STK39: variants seen among roughly 807,000 people sequenced by gnomAD.
STK39 encodes STE20/SPS1-related proline-alanine-rich protein kinase.
In STK39, 20 loss-of-function variants were observed where a neutral mutation model predicts 77.8. That is an observed-to-expected ratio of 0.26 (90% CI 0.18 to 0.37). The LOEUF (loss-of-function observed/expected upper bound fraction) is 0.37. Ranked by LOEUF, STK39 falls within the 10% of genes least tolerant of loss-of-function variation. The probability of loss-of-function intolerance (pLI) is 1.00; values close to 1 mark genes in which losing one functional copy is unlikely to be tolerated. For synonymous variants in STK39, 246 were observed against 234.1 expected (o/e 1.05, Z -0.47); for missense variants, 479 against 656.5 (o/e 0.73, Z 2.95).
intron 16 of STK39, among the ~76,000 whole-genome samples, chr2:168,006,157 T>G (rs529655403): frequency 6.6e-6 from 1 of 152,284 alleles, no homozygotes; most frequent in East Asian, 1.9e-4. Context: ...AGTGGGCACA[T>G]TTCTGAAAGG....
chr2:168,102,878 C>T (rs932288354), intron 10 of STK39, among the ~76,000 whole-genome samples: 3 of 139,142 alleles, frequency 2.2e-5, no homozygotes, highest in South Asian at 4.5e-4. Flanking sequence ...TGTAGTGAGC[C>T]GAGATTGCAC....
At chr2:168,180,279 G>A (rs6759037) in intron 2 of STK39, among the ~76,000 whole-genome samples, 23,844 of 151,980 alleles carry the variant, frequency 0.16, 2,223 homozygotes, top group African/African-American at 0.25. Context: ...CCCAGGAGGC[G>A]GAGGTTGCAG....
intron 14 of STK39, among the ~76,000 whole-genome samples, chr2:168,049,213 C>A (rs1476555297): frequency 6.6e-6 from 1 of 152,194 alleles, no homozygotes; most frequent in Non-Finnish European, 1.5e-5. Flanking sequence ...TCTCTCCCGG[C>A]TACCACCTAA....
At chr2:168,121,713 C>T (rs1194691711) in intron 10 of STK39, among the ~76,000 whole-genome samples, 2 of 152,164 alleles carry the variant, frequency 1.3e-5, no homozygotes, top group Non-Finnish European at 2.9e-5. Context: ...TCTAAAATGT[C>T]CAGTCTTCCG....
At position 168,147,033 on chromosome 2, in the gene STK39, A is replaced by G. The variant is rs79071147; in HGVS notation, c.629-6275T>C. Among the ~76,000 whole-genome samples, 22 of 152,308 alleles carry G rather than the reference A, an allele frequency of 1.4e-4. No individual in the cohort carries two copies. In the East Asian group the frequency reaches 2.7e-3, roughly 19 times the overall value. Reference sequence around the variant, plus strand: ...ACTTAGCCCTAGTCTCCTCTTCCGGAAAGTTCAGTGTATTTTTCTTTATTG... The same window carrying G: ...ACTTAGCCCTAGTCTCCTCTTCCGGGAAGTTCAGTGTATTTTTCTTTATTG... On this transcript the variant is annotated intron_variant, in intron 5 of 17. Transcript: ENST00000355999.
intron 8 of STK39, among the ~76,000 whole-genome samples, chr2:168,133,544 T>C (rs997679777): frequency 2.0e-5 from 3 of 152,014 alleles, no homozygotes. Context: ...TGAGAAAGAA[T>C]GAAAGAATGG....
chr2:168,005,159 C>G lies in STK39; in HGVS notation c.1498+7475G>C, dbSNP rs140054925. Among the ~76,000 whole-genome samples, 989 of 152,074 alleles carry G rather than the reference C, an allele frequency of 6.5e-3. 10 individuals carry two copies. The highest frequency in any genetic ancestry group is 0.023 in the African/African-American group (941 of 41,490). ...TAGCTGGGATTACAGGTGTGCCCTA[C>G]CAGATGCAGCTAATTTTTGTATTTT... is the stretch of plus-strand genomic sequence containing the variant. On this transcript the variant is annotated intron_variant, in intron 16 of 17. Transcript: ENST00000355999.
chr2:168,010,998 A>C (rs80166353), intron 16 of STK39, among the ~76,000 whole-genome samples: 4,376 of 152,298 alleles, frequency 0.029, 206 homozygotes, highest in East Asian at 0.2. Flanking sequence ...TTTTTAAATT[A>C]AAACATATCA....
intron 2 of STK39, among the ~76,000 whole-genome samples, chr2:168,169,429 T>G (rs1328660388): frequency 6.6e-6 from 1 of 152,230 alleles, no homozygotes; most frequent in East Asian, 1.9e-4. Flanking sequence ...TGTAAGTGAA[T>G]GCTTTTCTAG....
At chr2:168,206,093 A>G (rs978691141) in intron 1 of STK39, among the ~76,000 whole-genome samples, 3 of 152,184 alleles carry the variant, frequency 2.0e-5, no homozygotes, top group African/African-American at 7.2e-5. Context: ...CCACCAAAGC[A>G]TAGCATATTC....
intron 10 of STK39, among the ~76,000 whole-genome samples, chr2:168,093,319 C>T (rs1441479907): frequency 1.3e-5 from 2 of 152,214 alleles, no homozygotes; most frequent in Admixed American, 6.5e-5. Flanking sequence ...GTTTAATGGA[C>T]TCACAGTTTC....
chr2:168,157,456 C>G (rs904117115), intron 5 of STK39, among the ~76,000 whole-genome samples: 5 of 152,140 alleles, frequency 3.3e-5, no homozygotes, highest in Admixed American at 3.3e-4. Context: ...AACAAAATAC[C>G]TTAGACTGGG....
At chr2:168,121,669 G>A (rs1687408839) in intron 10 of STK39, among the ~76,000 whole-genome samples, 1 of 152,096 alleles carries the variant, frequency 6.6e-6, no homozygotes, top group Non-Finnish European at 1.5e-5. Flanking sequence ...CCACCTACAG[G>A]ACACTCTCTT....
chr2:168,114,868 T>C (rs1271796512), intron 10 of STK39, among the ~76,000 whole-genome samples: 3 of 152,150 alleles, frequency 2.0e-5, no homozygotes, highest in Admixed American at 1.3e-4. Flanking sequence ...ACTTGTTTGT[T>C]CTGGACAGAA....
chr2:168,012,733 T>C, intron 15 of STK39, 31 bp from the exon 16 acceptor site: 2 of 1,581,412 alleles, frequency 1.3e-6, no homozygotes, highest in Non-Finnish European at 1.7e-6. Context: ...TATGTATTAG[T>C]AACCATAACA....
intron 1 of STK39, among the ~76,000 whole-genome samples, chr2:168,216,103 A>G (rs568479702): frequency 7.3e-5 from 11 of 151,388 alleles, no homozygotes. Flanking sequence ...ACATTGGTGG[A>G]AGAGAGACAG....
At chr2:168,039,075 C>A (rs1373652139) in intron 14 of STK39, among the ~76,000 whole-genome samples, 1 of 151,980 alleles carries the variant, frequency 6.6e-6, no homozygotes, top group African/African-American at 2.4e-5. Flanking sequence ...CACTTAAAGA[C>A]TATACATGAA....
chr2:168,065,213 G>T, intron 13 of STK39, 106 bp downstream of exon 13: 4 of 1,210,240 alleles, frequency 3.3e-6, no homozygotes, highest in Non-Finnish European at 4.8e-6. Flanking sequence ...ATAAGCCCTT[G>T]ATTTGGAGGC....
At chr2:168,021,469 G>A (rs1001039884) in intron 14 of STK39, among the ~76,000 whole-genome samples, 6 of 152,234 alleles carry the variant, frequency 3.9e-5, no homozygotes, top group Admixed American at 1.3e-4. Flanking sequence ...TTTTTATAAA[G>A]AATTAATCTT....
Sources: allele counts gnomAD v4.1 joint callset (sites outside exome capture counted in the v4.1 genomes callset), GRCh38; gene constraint gnomAD v4.1.1; transcripts MANE v1.5; gene names NCBI Gene and HGNC (gene_info 2026-07-23, HGNC 2026-07-21).